The following B4GALT5 variants were observed in gnomAD, a reference collection of about 807,000 sequenced individuals.
The protein encoded by B4GALT5 is beta-1,4-galactosyltransferase 5.
B4GALT5 carries 11 observed loss-of-function variants against 45.0 expected under a neutral mutation model. That is an observed-to-expected ratio of 0.24 (90% CI 0.15 to 0.40). B4GALT5 has a LOEUF of 0.40. Ranked by LOEUF, B4GALT5 falls within the 10% of genes least tolerant of loss-of-function variation. The probability of loss-of-function intolerance (pLI) is 1.00; values close to 1 mark genes in which losing one functional copy is unlikely to be tolerated. For missense variants in B4GALT5, 337 were observed against 500.2 expected, an observed-to-expected ratio of 0.67 and a Z score of 3.11; for synonymous variants, 185 against 182.9, an observed-to-expected ratio of 1.01 and a Z score of -0.09.
intron 2 of B4GALT5, among the ~76,000 whole-genome samples, chr20:49,653,407 C>A (rs1031667365): frequency 2.6e-5 from 4 of 152,220 alleles, no homozygotes; most frequent in Non-Finnish European, 5.9e-5. Flanking sequence ...GACGTGCTTT[C>A]TTGTTAAATT....
At chr20:49,675,556 C>G (rs6095608) in intron 1 of B4GALT5, among the ~76,000 whole-genome samples, 80,885 of 151,860 alleles carry the variant, frequency 0.53, 21,713 homozygotes, top group South Asian at 0.68. Context: ...GTGGAGCTAT[C>G]AGCAGGTACC....
rs62207701 is a variant in B4GALT5, at chr20:49,696,294, G to C, written c.115+17282C>G. 5.6e-3 allele frequency among the ~76,000 whole-genome samples: 855 copies of C among 152,076 alleles called. 4 individuals carry two copies. Among genetic ancestry groups the C allele is most frequent in the Non-Finnish European group, 8.1e-3 (553 of 67,928 alleles). ...TTCTACTTTGTGGAATCCAATCAAA[G>C]AAAGAAAAAAACTAATTAGACATAC... On this transcript the variant is annotated intron_variant, in intron 1 of 8. Coordinates refer to ENST00000371711, the MANE Select transcript of B4GALT5 (RefSeq NM_004776.4).
intron 1 of B4GALT5, 83 bp from the exon 2 acceptor site, chr20:49,656,785 T>C: frequency 6.4e-7 from 1 of 1,568,546 alleles, no homozygotes; most frequent in African/African-American, 1.4e-5. Context: ...TGGATTTTTT[T>C]TTCTTTTTGG....
At position 49,642,497 on chromosome 20, in the gene B4GALT5, A is replaced by G. The variant is rs2235855; in HGVS notation, c.577T>C (p.Leu193=). 867,953 of 1,612,848 alleles carry G rather than the reference A, an allele frequency of 0.54. 238,196 individuals carry two copies. The highest frequency in any genetic ancestry group is 0.65 in the South Asian group (59,336 of 91,024). ...TCAACCACATAAAATGCAAACTGCA[A>G]GCGCTGGCGCTGGAGCATGGGAAGC... The part of the protein sequence containing the change: ...HLLPMLQRQR[L]QFAFYVVEQV... The change falls in exon 5 of 9, where the codon TTG becomes CTG. Residue 193 remains leucine (L), a synonymous_variant. Coordinates refer to ENST00000371711, the MANE Select transcript of B4GALT5 (RefSeq NM_004776.4).
intron 1 of B4GALT5, among the ~76,000 whole-genome samples, chr20:49,663,963 T>TGAAA (rs1568722747): frequency 6.6e-6 from 1 of 151,882 alleles, no homozygotes; most frequent in Non-Finnish European, 1.5e-5. Flanking sequence ...AACCCTCAGG[T>TGAAA]GAAAGGGTTG....
intron 1 of B4GALT5, among the ~76,000 whole-genome samples, chr20:49,698,278 G>T (rs2085847725): frequency 6.6e-6 from 1 of 151,954 alleles, no homozygotes; most frequent in Non-Finnish European, 1.5e-5. Context: ...AGCCGAGACG[G>T]TGGCACCACA....
intron 1 of B4GALT5, among the ~76,000 whole-genome samples, chr20:49,671,307 A>G (rs1329407025): frequency 6.6e-6 from 1 of 152,200 alleles, no homozygotes; most frequent in East Asian, 1.9e-4. Flanking sequence ...CTTGGGAAGC[A>G]GAGGTTGTGG....
Position 49,656,598 on chromosome 20 carries a change from C to A in B4GALT5, c.220G>T (p.Ala74Ser), listed in dbSNP as rs7264086. Residue 74 changes from alanine (A) to serine (S), a missense_variant, in exon 2 of 9, where the codon GCC (alanine) becomes TCC (serine). Transcript: ENST00000371711. ...TCATTTACACTGCTGTTCCTCTTGG[C>A]ATAAGCACTCCGAAGCACCTGCTCA... ...VYEQVLRSAYAKRNSSVNDSD... is the reference protein window; with the variant it reads ...VYEQVLRSAYSKRNSSVNDSD... The A allele has an allele frequency of 6.2e-7, 1 of 1,614,174 alleles. No individual in the cohort carries two copies. Among genetic ancestry groups the A allele is most frequent in the Non-Finnish European group, 8.5e-7 (1 of 1,180,012 alleles).
At chr20:49,666,760 A>G (rs1035665229) in intron 1 of B4GALT5, among the ~76,000 whole-genome samples, 1 of 152,230 alleles carries the variant, frequency 6.6e-6, no homozygotes, top group Non-Finnish European at 1.5e-5. Flanking sequence ...GAGTATCTGC[A>G]AAACCTGCAT....
At chr20:49,686,351 T>C (rs551539214) in intron 1 of B4GALT5, among the ~76,000 whole-genome samples, 3 of 152,268 alleles carry the variant, frequency 2.0e-5, no homozygotes, top group African/African-American at 7.2e-5. Flanking sequence ...GTACACGCAT[T>C]AGATCCAATG....
chr20:49,662,346 T>G (rs2085668562), intron 1 of B4GALT5, among the ~76,000 whole-genome samples: 1 of 152,190 alleles, frequency 6.6e-6, no homozygotes, highest in Admixed American at 6.5e-5. Context: ...CAACATATTT[T>G]AAAATTTATC....
chr20:49,704,739 CA>C (rs1011080068), intron 1 of B4GALT5, among the ~76,000 whole-genome samples: 1 of 149,732 alleles, frequency 6.7e-6, no homozygotes. Context: ...CAAAAAAAAA[CA>C]AAAAAAAACC....
At chr20:49,696,965 A>G (rs2085841904) in intron 1 of B4GALT5, among the ~76,000 whole-genome samples, 2 of 152,220 alleles carry the variant, frequency 1.3e-5, no homozygotes, top group South Asian at 4.1e-4. Context: ...CAATCTATGC[A>G]GATGGTTTTA....
intron 1 of B4GALT5, among the ~76,000 whole-genome samples, chr20:49,657,690 G>T (rs1432533591): frequency 2.0e-5 from 3 of 152,134 alleles, no homozygotes; most frequent in Non-Finnish European, 4.4e-5. Flanking sequence ...GGCTAACCTC[G>T]GGACCAGGCC....
intron 1 of B4GALT5, among the ~76,000 whole-genome samples, chr20:49,661,901 TCTTA>T (rs2085666802): frequency 6.6e-6 from 1 of 152,210 alleles, no homozygotes; most frequent in Non-Finnish European, 1.5e-5. Flanking sequence ...AGGAGGGATC[TCTTA>T]TATATAACCA....
At chr20:49,686,320 TGTCA>T (rs1398729010) in intron 1 of B4GALT5, among the ~76,000 whole-genome samples, 2 of 152,190 alleles carry the variant, frequency 1.3e-5, no homozygotes, top group Admixed American at 6.5e-5. Flanking sequence ...GGTTTGCTCC[TGTCA>T]GTTTTAAAGA....
chr20:49,646,926 T>A, intron 3 of B4GALT5, 39 bp downstream of exon 3: 1 of 1,361,842 alleles, frequency 7.3e-7, no homozygotes, highest in Non-Finnish European at 1.0e-6. Context: ...CCTTTATCCA[T>A]TTTAAAAGCA....
rs370292376 is a variant in B4GALT5, at chr20:49,642,614, G to A, written c.490-30C>T. ...AGTGGATTACAGCAAAAGAAGCACA[G>A]TTAGGACTCTCAGCTTTCACTCCTT... On this transcript the variant is annotated intron_variant, in intron 4 of 8. Coordinates refer to ENST00000371711, the MANE Select transcript of B4GALT5 (RefSeq NM_004776.4). 2.6e-5 allele frequency: 39 copies of A among 1,507,930 alleles called. No homozygotes were observed. In the African/African-American group the frequency reaches 4.8e-4, roughly 19 times the overall value. The allele number at this position is 1,507,930 out of a possible 1,614,324, so 93.4% of individuals were successfully genotyped here. A position where few individuals can be genotyped will look rare whatever the true frequency, so the allele number is the denominator to read the frequency against.
Position 49,700,498 on chromosome 20 carries a change from C to T in B4GALT5, c.115+13078G>A, listed in dbSNP as rs189099000. ...TATTTTTGTAGAAACAAGTTTTCCCCCAGGTTGCCTAGGCTGGTCTCAAAC... is the reference window on the plus strand; with the variant it reads ...TATTTTTGTAGAAACAAGTTTTCCCTCAGGTTGCCTAGGCTGGTCTCAAAC... On this transcript the variant is annotated intron_variant, in intron 1 of 8. Coordinates refer to ENST00000371711, the MANE Select transcript of B4GALT5 (RefSeq NM_004776.4). Among the ~76,000 whole-genome samples, 664 of 151,616 alleles carry T rather than the reference C, an allele frequency of 4.4e-3. 5 individuals are homozygous for T. Among genetic ancestry groups the T allele is most frequent in the Non-Finnish European group, 4.4e-3 (299 of 67,902 alleles).
Sources: allele counts gnomAD v4.1 joint callset (sites outside exome capture counted in the v4.1 genomes callset), GRCh38; gene constraint gnomAD v4.1.1; transcripts MANE v1.5; gene names NCBI Gene and HGNC (gene_info 2026-07-23, HGNC 2026-07-21).